Variants in RBFOX1 observed in about 807,000 individuals in gnomAD.
RBFOX1 encodes the protein RNA binding protein fox-1 homolog 1.
RBFOX1 carries 8 observed loss-of-function variants against 57.7 expected under a neutral mutation model. The observed-to-expected ratio is 0.14, with a 90% confidence interval of 0.08 to 0.25. The LOEUF (loss-of-function observed/expected upper bound fraction) is 0.25. Among genes scored for constraint, RBFOX1 ranks in the 10% least tolerant of loss-of-function variants. The pLI, the probability that RBFOX1 is intolerant of heterozygous loss-of-function variation, is 1.00. For synonymous variants in RBFOX1, 326 were observed against 222.4 expected, an observed-to-expected ratio of 1.47 and a Z score of -4.15; for missense variants, 611 against 548.5, an observed-to-expected ratio of 1.11 and a Z score of -1.14.
intron 3 of RBFOX1, among the ~76,000 whole-genome samples, chr16:6,927,112 C>G (rs182385491): frequency 2.0e-5 from 3 of 152,148 alleles, no homozygotes; most frequent in Non-Finnish European, 4.4e-5. Flanking sequence ...TAGCTTCCCC[C>G]AGAGGGTTTG....
intron 3 of RBFOX1, among the ~76,000 whole-genome samples, chr16:5,700,790 A>G (rs766076308): frequency 1.3e-5 from 2 of 152,078 alleles, no homozygotes; most frequent in Non-Finnish European, 2.9e-5. Flanking sequence ...CTGTGGATGA[A>G]TTCTTCAGTT....
chr16:6,508,535 GAA>G (rs2096171650), intron 2 of RBFOX1, among the ~76,000 whole-genome samples: 1 of 152,068 alleles, frequency 6.6e-6, no homozygotes, highest in Non-Finnish European at 1.5e-5. Context: ...ACTGTGCTTA[GAA>G]AGAGAGAAAA....
At chr16:6,546,651 T>A (rs574092864) in intron 2 of RBFOX1, among the ~76,000 whole-genome samples, 1 of 152,344 alleles carries the variant, frequency 6.6e-6, no homozygotes, top group African/African-American at 2.4e-5. Context: ...TCCACCTTAC[T>A]GACCTCATCT....
At chr16:5,666,236 G>A (rs1366770339) in intron 3 of RBFOX1, among the ~76,000 whole-genome samples, 2 of 152,218 alleles carry the variant, frequency 1.3e-5, no homozygotes, top group Non-Finnish European at 2.9e-5. Context: ...ATCTGGTCCA[G>A]TTCCCAGTGT....
intron 3 of RBFOX1, among the ~76,000 whole-genome samples, chr16:5,782,724 A>G (rs574251017): frequency 6.6e-6 from 1 of 152,244 alleles, no homozygotes; most frequent in Admixed American, 6.5e-5. Context: ...ACAGAGGCTG[A>G]GAAGTCCTAC....
Position 6,097,407 on chromosome 16 carries a change from T to G in RBFOX1, c.-127+77415T>G, listed in dbSNP as rs910351813. Among the ~76,000 whole-genome samples, 21 of 152,152 alleles carry G rather than the reference T, an allele frequency of 1.4e-4. No homozygotes were observed. Among genetic ancestry groups the G allele is most frequent in the Non-Finnish European group, 2.8e-4 (19 of 68,018 alleles). On this transcript the variant is annotated intron_variant, in intron 1 of 15. Transcript: ENST00000550418. The surrounding 1 kb of genome is among the most constrained non-coding windows in gnomAD (Gnocchi z 5.0). ...ACCACTCAAACCATGGTCTGCAGAC[T>G]ACCAGCATTAGCAAGGCCTGGGAGT... is the stretch of plus-strand genomic sequence containing the variant.
At chr16:5,258,247 A>G (rs1411258891) in intron 1 of RBFOX1, among the ~76,000 whole-genome samples, 2 of 152,178 alleles carry the variant, frequency 1.3e-5, no homozygotes, top group South Asian at 4.1e-4. Flanking sequence ...GACTAGTTTA[A>G]TGAGCTATCA....
At chr16:7,366,616 G>C (rs2097454544) in intron 4 of RBFOX1, among the ~76,000 whole-genome samples, 1 of 151,768 alleles carries the variant, frequency 6.6e-6, no homozygotes, top group African/African-American at 2.4e-5. Flanking sequence ...TGAAACTCTG[G>C]TCAGTTTCTC....
intron 4 of RBFOX1, among the ~76,000 whole-genome samples, chr16:7,086,306 A>G (rs1476364600): frequency 6.6e-6 from 1 of 152,194 alleles, no homozygotes; most frequent in Non-Finnish European, 1.5e-5. Context: ...GTGCCATGTA[A>G]AAATATCACT....
intron 1 of RBFOX1, among the ~76,000 whole-genome samples, chr16:5,369,484 C>A (rs1162944733): frequency 1.3e-5 from 2 of 152,222 alleles, no homozygotes; most frequent in African/African-American, 4.8e-5. Context: ...TAGATGCTTT[C>A]AGGCATCACC....
At chr16:5,322,782 A>G (rs1038324430) in intron 1 of RBFOX1, among the ~76,000 whole-genome samples, 3 of 152,160 alleles carry the variant, frequency 2.0e-5, no homozygotes, top group African/African-American at 7.2e-5. Flanking sequence ...AGAAGGTTTC[A>G]GTGTACCTAC....
intron 2 of RBFOX1, among the ~76,000 whole-genome samples, chr16:5,510,899 C>T (rs551048194): frequency 2.0e-5 from 3 of 152,236 alleles, no homozygotes; most frequent in Admixed American, 6.5e-5. Context: ...GCCACGTATC[C>T]CCAGGTTGAG....
In RBFOX1 at chr16:7,274,631, T is replaced by TTTTATTTATTTA. The variant is rs71391613; in HGVS notation, c.27+222549_27+222560dup. ...TGAAGGGTTGGATGAGGTCATTAGT[T>TTTTATTTATTTA]TTTATTTATTTATTTATTTATTTAT... On this transcript the variant is annotated intron_variant, in intron 4 of 15. Coordinates refer to ENST00000550418, the MANE Select transcript of RBFOX1 (RefSeq NM_018723.4). Among the ~76,000 whole-genome samples, 127 of 151,524 alleles carry TTTTATTTATTTA rather than the reference T, an allele frequency of 8.4e-4. No individual in the cohort carries two copies. In the Middle Eastern group the frequency reaches 0.014, roughly 16 times the overall value.
intron 4 of RBFOX1, among the ~76,000 whole-genome samples, chr16:7,405,165 C>A (rs1480590922): frequency 1.3e-5 from 2 of 152,178 alleles, no homozygotes; most frequent in Non-Finnish European, 2.9e-5. Context: ...CAATTTATTT[C>A]CTCATTCTAG....
intron 4 of RBFOX1, among the ~76,000 whole-genome samples, chr16:7,065,879 A>C (rs2055884311): frequency 6.6e-6 from 1 of 152,128 alleles, no homozygotes; most frequent in Non-Finnish European, 1.5e-5. Context: ...TAGACGCTAC[A>C]TGGAAGTGAG....
chr16:6,943,573 T>C (rs1054700257), intron 3 of RBFOX1, among the ~76,000 whole-genome samples: 1 of 151,988 alleles, frequency 6.6e-6, no homozygotes, highest in African/African-American at 2.4e-5. Flanking sequence ...CCAGGCGCGG[T>C]GGCGGGTGCC....
chr16:6,027,533 A>C lies in RBFOX1; in HGVS notation c.-127+7541A>C, dbSNP rs531784843. On this transcript the variant is annotated intron_variant, in intron 1 of 15. Transcript: ENST00000550418. Reference sequence around the variant, plus strand: ...CTTCAATTTCTCTGAACCTCAGTCCATCCCTACAAATGGAGATTATCACTA... The same window carrying C: ...CTTCAATTTCTCTGAACCTCAGTCCCTCCCTACAAATGGAGATTATCACTA... Among the ~76,000 whole-genome samples the C allele has an allele frequency of 5.9e-5, 9 of 152,296 alleles. 1 individual carries two copies. The South Asian group carries it at 1.7e-3, about 28-fold the overall frequency.
intron 3 of RBFOX1, among the ~76,000 whole-genome samples, chr16:5,813,414 A>G (rs1290989661): frequency 6.6e-6 from 1 of 152,208 alleles, no homozygotes; most frequent in Non-Finnish European, 1.5e-5. Context: ...CCCGGCCCTC[A>G]GTAACCACTA....
chr16:7,130,957 A>G lies in RBFOX1; in HGVS notation c.27+78859A>G, dbSNP rs980538164. Among the ~76,000 whole-genome samples the G allele has an allele frequency of 3.3e-5, 5 of 152,192 alleles. No individual in the cohort carries two copies. In the East Asian group the frequency reaches 7.7e-4, roughly 23 times the overall value. On this transcript the variant is annotated intron_variant, in intron 4 of 15. Coordinates refer to ENST00000550418, the MANE Select transcript of RBFOX1 (RefSeq NM_018723.4). Reference sequence around the variant, plus strand: ...CCTGGATAGAGAAGGTGCACCACCTATAAGTGAAGGTGATCAGTTTTTCCA... The same window carrying G: ...CCTGGATAGAGAAGGTGCACCACCTGTAAGTGAAGGTGATCAGTTTTTCCA...
Sources: allele counts gnomAD v4.1 joint callset (sites outside exome capture counted in the v4.1 genomes callset), GRCh38; gene constraint gnomAD v4.1.1; non-coding constraint Gnocchi (gnomAD v3.1); transcripts MANE v1.5; gene names NCBI Gene and HGNC (gene_info 2026-07-23, HGNC 2026-07-21).